Variants in COMMD1 observed in about 807,000 individuals in gnomAD.
The protein encoded by COMMD1 is copper metabolism domain containing 1.
In COMMD1, 10 loss-of-function variants were observed where a neutral mutation model predicts 17.2. That is an observed-to-expected ratio of 0.58 (90% confidence interval 0.36 to 0.99). The LOEUF (loss-of-function observed/expected upper bound fraction) is 0.99. COMMD1 is among the 50% of genes least tolerant of loss of function. The pLI is 0.01. For missense variants in COMMD1, 270 were observed against 231.8 expected (o/e 1.17, Z -1.07); for synonymous variants, 97 against 91.6 (o/e 1.06, Z -0.34).
chr2:61,957,475 C>T (rs1345829128), intron 1 of COMMD1, among the ~76,000 whole-genome samples: 1 of 152,048 alleles, frequency 6.6e-6, no homozygotes, highest in Admixed American at 6.6e-5. Context: ...CTGTGGTTTT[C>T]TGTTTTTTGC....
At chr2:61,948,510 A>T (rs1670969750) in intron 1 of COMMD1, among the ~76,000 whole-genome samples, 1 of 152,202 alleles carries the variant, frequency 6.6e-6, no homozygotes, top group Non-Finnish European at 1.5e-5. Context: ...CATAATATAT[A>T]TACACATATA....
chr2:62,080,129 A>G (rs1671476869), intron 2 of COMMD1, among the ~76,000 whole-genome samples: 1 of 152,118 alleles, frequency 6.6e-6, no homozygotes, highest in Admixed American at 6.5e-5. Context: ...TATGCTTCCG[A>G]AGAATGTCCA....
At chr2:61,961,063 A>C (rs1006596473) in intron 1 of COMMD1, among the ~76,000 whole-genome samples, 1 of 152,218 alleles carries the variant, frequency 6.6e-6, no homozygotes, top group Non-Finnish European at 1.5e-5. Flanking sequence ...ACTGCCCTAG[A>C]GGGGAAAGGG....
At chr2:62,034,682 A>G (rs58612936) in intron 2 of COMMD1, among the ~76,000 whole-genome samples, 11,997 of 152,238 alleles carry the variant, frequency 0.079, 1,119 homozygotes, top group African/African-American at 0.22. Context: ...GTTATAGTAT[A>G]AAATACACAG....
intron 2 of COMMD1, among the ~76,000 whole-genome samples, chr2:62,098,308 G>A (rs947653812): frequency 6.6e-5 from 10 of 151,730 alleles, no homozygotes; most frequent in African/African-American, 1.9e-4. Context: ...ACAGGCATGC[G>A]CCACCACACC....
At chr2:61,911,364 T>A (rs902597323) in intron 1 of COMMD1, among the ~76,000 whole-genome samples, 1 of 152,008 alleles carries the variant, frequency 6.6e-6, no homozygotes, top group African/African-American at 2.4e-5. Context: ...TAATCCCAGC[T>A]ACTTGTGAGG....
Position 62,104,655 on chromosome 2 carries a change from C to A in COMMD1, c.463-31176C>A, listed in dbSNP as rs201773522. Among the ~76,000 whole-genome samples, 554 of 109,020 alleles carry A rather than the reference C, an allele frequency of 5.1e-3. 3 individuals carry two copies. The highest frequency in any genetic ancestry group is 0.01 in the African/African-American group (258 of 24,736). The allele number at this position is 109,020 out of a possible 152,430, so 71.5% of individuals were successfully genotyped here. On this transcript the variant is annotated intron_variant, in intron 2 of 2. Coordinates refer to ENST00000311832, the MANE Select transcript of COMMD1 (RefSeq NM_152516.4). ...TCTCAAAAAAAAAAAAAAAAAAAAACAATAACAACAACAAACACATCCCTT... is the reference window on the plus strand; with the variant it reads ...TCTCAAAAAAAAAAAAAAAAAAAAAAAATAACAACAACAAACACATCCCTT...
chr2:61,923,544 G>T (rs1285363762), intron 1 of COMMD1, among the ~76,000 whole-genome samples: 1 of 151,860 alleles, frequency 6.6e-6, no homozygotes, highest in Non-Finnish European at 1.5e-5. Context: ...AGAATAAGGG[G>T]TTCTATATAG....
intron 1 of COMMD1, among the ~76,000 whole-genome samples, chr2:61,983,167 A>G (rs972524451): frequency 1.3e-5 from 2 of 150,344 alleles, no homozygotes; most frequent in African/African-American, 2.4e-5. Context: ...CTCTTCTTTG[A>G]TGGGAGACTT....
At chr2:61,929,539 G>T (rs1670411119) in intron 1 of COMMD1, among the ~76,000 whole-genome samples, 1 of 151,934 alleles carries the variant, frequency 6.6e-6, no homozygotes. Flanking sequence ...ATTTCTCCAC[G>T]ACTCTCCTCT....
chr2:62,098,165 T>TC (rs200681235), intron 2 of COMMD1, among the ~76,000 whole-genome samples: 5 of 147,372 alleles, frequency 3.4e-5, no homozygotes, highest in East Asian at 3.9e-4. Context: ...TTTCTTTCTT[T>TC]TTTTTTTTTT....
intron 2 of COMMD1, among the ~76,000 whole-genome samples, chr2:62,098,996 G>A (rs1271231348): frequency 6.6e-6 from 1 of 152,102 alleles, no homozygotes; most frequent in Non-Finnish European, 1.5e-5. Context: ...TTGGTCCAGG[G>A]GCTATACATT....
intron 1 of COMMD1, among the ~76,000 whole-genome samples, chr2:61,972,576 A>AT: frequency 1.3e-5 from 2 of 152,296 alleles, no homozygotes; most frequent in East Asian, 3.9e-4. Flanking sequence ...ACCACAAGCC[A>AT]TGTTGATAGC....
At chr2:62,066,296 C>G (rs918280716) in intron 2 of COMMD1, among the ~76,000 whole-genome samples, 1 of 151,930 alleles carries the variant, frequency 6.6e-6, no homozygotes, top group Non-Finnish European at 1.5e-5. Flanking sequence ...ATTCAGATAC[C>G]TATACTTAGG....
intron 2 of COMMD1, among the ~76,000 whole-genome samples, chr2:62,036,772 T>G (rs1414162696): frequency 6.6e-6 from 1 of 152,258 alleles, no homozygotes; most frequent in Non-Finnish European, 1.5e-5. Flanking sequence ...ATTCTGAATT[T>G]AAGATTTATT....
intron 2 of COMMD1, among the ~76,000 whole-genome samples, chr2:62,014,542 C>CTTTTTTTTTTTTTTTTTTT (rs67886279): frequency 4.7e-5 from 3 of 63,568 alleles, no homozygotes; most frequent in African/African-American, 2.1e-4. Context: ...CCATTTTAAC[C>CTTTTTTTTTTTTTTTTTTT]TTTTTTTTTT....
At chr2:62,032,111 T>C (rs1430623428) in intron 2 of COMMD1, among the ~76,000 whole-genome samples, 1 of 152,238 alleles carries the variant, frequency 6.6e-6, no homozygotes, top group Admixed American at 6.5e-5. Context: ...ATATATCTTG[T>C]ACTGAACATG....
intron 2 of COMMD1, among the ~76,000 whole-genome samples, chr2:62,075,657 A>G (rs1671317846): frequency 6.6e-6 from 1 of 152,202 alleles, no homozygotes. Flanking sequence ...ACTAGAACTC[A>G]AATCCCATTC....
chr2:62,050,622 A>C (rs1331668481), intron 2 of COMMD1, among the ~76,000 whole-genome samples: 1 of 152,200 alleles, frequency 6.6e-6, no homozygotes, highest in Non-Finnish European at 1.5e-5. Flanking sequence ...CCTTTAAGGA[A>C]GAGGCTTGCT....
Sources: allele counts gnomAD v4.1 joint callset (sites outside exome capture counted in the v4.1 genomes callset), GRCh38; gene constraint gnomAD v4.1.1; transcripts MANE v1.5; gene names NCBI Gene and HGNC (gene_info 2026-07-23, HGNC 2026-07-21).